SPATA13: variants seen among roughly 807,000 people sequenced by gnomAD.
SPATA13 encodes spermatogenesis-associated protein 13.
A neutral mutation model predicts 104.0 loss-of-function variants in SPATA13; 50 were observed. The ratio of observed to expected loss-of-function variants is 0.48; its 90% CI spans 0.38 to 0.61. The LOEUF is 0.61. SPATA13 is among the 20% of genes least tolerant of loss of function. The pLI is 0.00. For synonymous variants in SPATA13, 606 were observed against 667.5 expected (o/e 0.91, Z 1.42); for missense variants, 1,524 against 1,690.6 (o/e 0.90, Z 1.73).
intron 3 of SPATA13, among the ~76,000 whole-genome samples, chr13:24,063,125 CCTT>C (rs10590370): frequency 0.096 from 14,582 of 152,056 alleles, 1,065 homozygotes; most frequent in African/African-American, 0.2. Context: ...GGACCAGGCT[CCTT>C]CTCCCAGTGC....
chr13:24,204,071 G>A (rs2138576578), intron 1 of SPATA13, among the ~76,000 whole-genome samples: 1 of 152,278 alleles, frequency 6.6e-6, no homozygotes, highest in East Asian at 1.9e-4. Flanking sequence ...GTGTCAGGAA[G>A]CCACAGGGGG....
At chr13:24,018,981 C>T (rs934191604) in intron 3 of SPATA13, among the ~76,000 whole-genome samples, 2 of 152,088 alleles carry the variant, frequency 1.3e-5, no homozygotes, top group Non-Finnish European at 1.5e-5. Flanking sequence ...TGAGGCATAT[C>T]TGATTGAGTG....
intron 1 of SPATA13, among the ~76,000 whole-genome samples, chr13:24,213,678 T>C (rs1350717265): frequency 6.6e-6 from 1 of 152,242 alleles, no homozygotes; most frequent in East Asian, 1.9e-4. Flanking sequence ...CATAGAAGTA[T>C]GACTTCATTT....
At chr13:24,295,505 G>A (rs939063641) in intron 10 of SPATA13, among the ~76,000 whole-genome samples, 1 of 152,070 alleles carries the variant, frequency 6.6e-6, no homozygotes, top group Non-Finnish European at 1.5e-5. Flanking sequence ...CTGGCTACTC[G>A]GGAGGCTGAG....
chr13:24,266,349 A>G (rs1257111668), intron 4 of SPATA13, among the ~76,000 whole-genome samples: 1 of 152,318 alleles, frequency 6.6e-6, no homozygotes, highest in East Asian at 1.9e-4. Context: ...CACTGGCCCA[A>G]TCATAGCTCA....
Position 24,302,795 on chromosome 13 carries a change from T to C in SPATA13, c.*22T>C, listed in dbSNP as rs1388947637. ...ATGAAAACAGGAGGCTGTGCTTCCA[T>C]GGAGCTGGGTGTCAAGAGAAGAACT... is the stretch of plus-strand genomic sequence containing the variant. On this transcript the variant is annotated 3_prime_UTR_variant, in exon 13 of 13. Coordinates refer to ENST00000382108, the MANE Select transcript of SPATA13 (RefSeq NM_001166271.3). 1.2e-6 allele frequency: 2 copies of C among 1,613,886 alleles called. No individual in the cohort carries two copies. Among genetic ancestry groups the C allele is most frequent in the Non-Finnish European group, 1.7e-6 (2 of 1,179,946 alleles).
At position 24,223,948 on chromosome 13, in the gene SPATA13, G is replaced by T. The variant is rs1458628601; in HGVS notation, c.1019G>T (p.Gly340Val). ...AAWRRESPRS[G>V]APSPGEASLR... ...TGGAGGAGGGAGAGTCCTAGGAGTG[G>T]GGCCCCATCCCCTGGAGAGGCCAGC... Residue 340 changes from glycine to valine, a missense_variant, in exon 2 of 13, where the codon GGG becomes GTG. This residue lies in a region of SPATA13 where 1,089 missense variants were observed against 1,135.9 expected (regional missense o/e 0.96). Transcript: ENST00000382108. 6.4e-7 allele frequency: 1 copy of T among 1,550,454 alleles called. No homozygotes were observed. The highest frequency in any genetic ancestry group is 2.0e-5 in the Admixed American group (1 of 50,958).
intron 3 of SPATA13, among the ~76,000 whole-genome samples, chr13:24,250,719 G>A (rs893476152): frequency 6.6e-6 from 1 of 152,256 alleles, no homozygotes; most frequent in Non-Finnish European, 1.5e-5. Context: ...TAAATAAATT[G>A]AATTGATTTC....
intron 3 of SPATA13, among the ~76,000 whole-genome samples, chr13:24,091,936 G>A (rs1451671084): frequency 6.6e-6 from 1 of 152,164 alleles, no homozygotes; most frequent in Non-Finnish European, 1.5e-5. Flanking sequence ...GCTTTCACAG[G>A]TCTAAGGCTA....
intron 9 of SPATA13, among the ~76,000 whole-genome samples, chr13:24,292,376 G>A (rs1333484754): frequency 6.6e-6 from 1 of 152,188 alleles, no homozygotes; most frequent in Non-Finnish European, 1.5e-5. Context: ...GATAGTCATA[G>A]GGCAACTGCT....
intron 1 of SPATA13, among the ~76,000 whole-genome samples, chr13:24,201,785 A>G (rs1870420693): frequency 6.6e-6 from 1 of 152,214 alleles, no homozygotes; most frequent in Non-Finnish European, 1.5e-5. Flanking sequence ...CAAATACATA[A>G]TGCAATGTAT....
At chr13:24,093,802 A>C (rs1178756356) in intron 3 of SPATA13, among the ~76,000 whole-genome samples, 1 of 152,210 alleles carries the variant, frequency 6.6e-6, no homozygotes, top group African/African-American at 2.4e-5. Context: ...CTGTGGTCAT[A>C]ATACTTAGAG....
intron 2 of SPATA13, among the ~76,000 whole-genome samples, chr13:24,012,165 A>C (rs1452996619): frequency 1.3e-5 from 2 of 152,236 alleles, no homozygotes; most frequent in African/African-American, 2.4e-5. Flanking sequence ...AAGCCTGCAG[A>C]GGTATCAGTC....
Position 24,307,061 on chromosome 13 carries a change from T to C in SPATA13, c.*4288T>C, listed in dbSNP as rs545166521. 1 of 152,378 alleles carries C rather than the reference T, an allele frequency of 6.6e-6. No individual in the cohort carries two copies. The highest frequency in any genetic ancestry group is 1.5e-5 in the Non-Finnish European group (1 of 68,038). 9.4% of individuals were successfully genotyped at this position (152,378 alleles called of 1,614,324 possible). A position where few individuals can be genotyped will look rare whatever the true frequency, so the allele number is the denominator to read the frequency against. On this transcript the variant is annotated 3_prime_UTR_variant, in exon 13 of 13. Coordinates refer to ENST00000382108, the MANE Select transcript of SPATA13 (RefSeq NM_001166271.3). ...TTGTTGTTTTGTATATTAAAATTCA[T>C]TTGCCAAACTCGTTCTGATGATGCA...
intron 3 of SPATA13, among the ~76,000 whole-genome samples, chr13:24,148,995 T>C (rs558507919): frequency 2.6e-5 from 4 of 152,302 alleles, no homozygotes; most frequent in African/African-American, 9.6e-5. Context: ...GTGACTGGGC[T>C]TGGAGGAATG....
chr13:24,147,713 G>T (rs536000776), intron 3 of SPATA13, among the ~76,000 whole-genome samples: 1 of 152,108 alleles, frequency 6.6e-6, no homozygotes, highest in Non-Finnish European at 1.5e-5. Context: ...CATCTCCAGA[G>T]CTGAAACTGA....
At chr13:24,078,479 T>G (rs981794953) in intron 3 of SPATA13, among the ~76,000 whole-genome samples, 1 of 152,160 alleles carries the variant, frequency 6.6e-6, no homozygotes, top group African/African-American at 2.4e-5. Context: ...CTTCACTAAT[T>G]AAGACATACT....
intron 3 of SPATA13, among the ~76,000 whole-genome samples, chr13:24,135,652 C>A (rs1281942405): frequency 6.8e-6 from 1 of 147,112 alleles, no homozygotes; most frequent in East Asian, 2.1e-4. Flanking sequence ...GAGCTGAGAT[C>A]CCACCACTGC....
At chr13:24,084,145 C>T (rs1465841474) in intron 3 of SPATA13, among the ~76,000 whole-genome samples, 1 of 152,190 alleles carries the variant, frequency 6.6e-6, no homozygotes, top group African/African-American at 2.4e-5. Flanking sequence ...AAGCCTGATC[C>T]TAATTATCTT....
Sources: gnomAD v4.1 joint callset for allele counts (sites outside exome capture counted in the v4.1 genomes callset) on GRCh38, gnomAD v4.1.1 for gene constraint, gnomAD v4.1.1 regional missense constraint, MANE v1.5 for transcripts, NCBI Gene and HGNC (gene_info 2026-07-23, HGNC 2026-07-21) for gene names.